Variants in FAXC observed in about 807,000 individuals in gnomAD.
The protein encoded by FAXC is failed axon connections homolog, metaxin like GST domain containing.
Under a neutral mutation model 41.9 loss-of-function variants are expected in FAXC, and 10 were observed. The observed-to-expected ratio is 0.24, with a 90% CI of 0.15 to 0.41. The LOEUF (loss-of-function observed/expected upper bound fraction) is 0.41, where lower values mean the gene tolerates loss of function less well. Among genes scored for constraint, FAXC ranks in the 10% least tolerant of loss-of-function variants. The pLI is 1.00. For synonymous variants in FAXC, 183 were observed against 183.8 expected (o/e 1.00, Z 0.03); for missense variants, 399 against 510.9 (o/e 0.78, Z 2.11).
chr6:99,333,522 G>A lies in FAXC; in HGVS notation c.428C>T (p.Ala143Val). Residue 143 changes from alanine to valine, a missense_variant, in exon 3 of 6, where the codon GCT becomes GTT. Ala to Val is a moderately conservative substitution (Grantham distance 64). Coordinates refer to ENST00000389677, the MANE Select transcript of FAXC (RefSeq NM_032511.4). ...YQNYFGGKLS[A>V]QGKMPWIEYN... ...TTCAATCCAAGGCATTTTCCCTTGA[G>A]CAGAGAGTTTTCCACCAAAATAGTT... 1 of 1,611,062 alleles carries A rather than the reference G, an allele frequency of 6.2e-7. No individual in the cohort carries two copies. Among genetic ancestry groups the A allele is most frequent in the South Asian group, 1.1e-5 (1 of 90,228 alleles).
chr6:99,310,740 A>G (rs897924705), intron 4 of FAXC, among the ~76,000 whole-genome samples: 4 of 152,222 alleles, frequency 2.6e-5, no homozygotes, highest in Non-Finnish European at 4.4e-5. Context: ...CCAGTTACTC[A>G]GCATATGCTA....
intron 5 of FAXC, among the ~76,000 whole-genome samples, chr6:99,290,393 A>C (rs903266982): frequency 2.6e-5 from 4 of 152,116 alleles, no homozygotes; most frequent in Non-Finnish European, 4.4e-5. Flanking sequence ...TTCTTTGGTC[A>C]AAATTAACAT....
chr6:99,300,145 C>T (rs2128452822), intron 4 of FAXC, among the ~76,000 whole-genome samples: 1 of 152,288 alleles, frequency 6.6e-6, no homozygotes, highest in East Asian at 1.9e-4. Flanking sequence ...TGTCCCAGCT[C>T]TTATAATTCC....
At chr6:99,333,916 A>G (rs1365315739) in intron 2 of FAXC, among the ~76,000 whole-genome samples, 1 of 152,202 alleles carries the variant, frequency 6.6e-6, no homozygotes, top group Admixed American at 6.5e-5. Context: ...CAAAAACTCA[A>G]AAAGTCAATA....
chr6:99,321,320 C>T (rs1201453876), intron 4 of FAXC, among the ~76,000 whole-genome samples: 1 of 152,152 alleles, frequency 6.6e-6, no homozygotes, highest in Non-Finnish European at 1.5e-5. Context: ...GCTATTTCAA[C>T]AAAAAGTAAT....
intron 2 of FAXC, among the ~76,000 whole-genome samples, chr6:99,336,930 G>C (rs998578764): frequency 6.6e-6 from 1 of 152,166 alleles, no homozygotes; most frequent in Admixed American, 6.5e-5. Flanking sequence ...CTCTGCCCAG[G>C]AGCTATCTGG....
chr6:99,299,452 T>C (rs1187610910), intron 4 of FAXC, among the ~76,000 whole-genome samples: 4 of 152,180 alleles, frequency 2.6e-5, no homozygotes, highest in Non-Finnish European at 5.9e-5. Context: ...AAAGTACAAT[T>C]GTGTGTTTTA....
At chr6:99,344,417 C>T (rs569905740) in intron 1 of FAXC, among the ~76,000 whole-genome samples, 6 of 152,146 alleles carry the variant, frequency 3.9e-5, no homozygotes, top group Non-Finnish European at 8.8e-5. Flanking sequence ...CAGTACAACA[C>T]CACACCCCCT....
At chr6:99,292,024 A>T (rs755928308) in intron 4 of FAXC, among the ~76,000 whole-genome samples, 32 of 152,246 alleles carry the variant, frequency 2.1e-4, no homozygotes, top group South Asian at 4.1e-4. Context: ...ATCAACCCAT[A>T]GAACAGCAAC....
intron 3 of FAXC, among the ~76,000 whole-genome samples, chr6:99,326,578 C>T (rs1484385681): frequency 6.6e-6 from 1 of 152,080 alleles, no homozygotes; most frequent in Non-Finnish European, 1.5e-5. Context: ...GGTTTAGACT[C>T]CAGATAGAGA....
intron 2 of FAXC, among the ~76,000 whole-genome samples, chr6:99,339,848 T>C (rs1046939096): frequency 6.6e-6 from 1 of 151,396 alleles, no homozygotes; most frequent in Non-Finnish European, 1.5e-5. Context: ...ATCTGGATAA[T>C]AGGGAACAAG....
intron 4 of FAXC, among the ~76,000 whole-genome samples, chr6:99,295,110 A>C (rs539519366): frequency 1.3e-5 from 2 of 152,360 alleles, no homozygotes; most frequent in African/African-American, 2.4e-5. Context: ...CACAGAACGC[A>C]AAAGGGAAAA....
At chr6:99,309,217 T>C (rs540331608) in intron 4 of FAXC, among the ~76,000 whole-genome samples, 18 of 152,282 alleles carry the variant, frequency 1.2e-4, no homozygotes, top group African/African-American at 4.1e-4. Flanking sequence ...AGGGTTTTTT[T>C]TTTCTTTTAT....
rs1200433705 is a variant in FAXC at position 99,281,030 on chromosome 6, T to A, written c.*134A>T. 4 of 660,862 alleles carry A rather than the reference T, an allele frequency of 6.1e-6. No homozygotes were observed. Among genetic ancestry groups the A allele is most frequent in the Admixed American group, 2.5e-5 (1 of 40,664 alleles). The allele number at this position is 660,862 out of a possible 1,614,324, so 40.9% of individuals were successfully genotyped here. On this transcript the variant is annotated 3_prime_UTR_variant, in exon 6 of 6. Transcript: ENST00000389677. ...TTGTACAAAAAAGAAATAAGGCTGC[T>A]ATAGTCCAGTTAGCATGTGAAAACT... is the stretch of plus-strand genomic sequence containing the variant.
chr6:99,349,361 C>G lies in FAXC; in HGVS notation c.12G>C (p.Gly4=). The change falls in exon 1 of 6, where the codon GGG becomes GGC. Residue 4 remains glycine, a synonymous_variant. Coordinates refer to ENST00000389677, the MANE Select transcript of FAXC (RefSeq NM_032511.4). ...ACGGCCTGGACGAAGCAAAGCCAAC[C>G]CCCCAGTGCATGCTGCGCGGCTGGC... MHW[G]VGFASSRPCV... The G allele has an allele frequency of 6.2e-7, 1 of 1,611,108 alleles. No homozygotes were observed. Among genetic ancestry groups the G allele is most frequent in the Non-Finnish European group, 8.5e-7 (1 of 1,179,192 alleles).
Position 99,281,452 on chromosome 6 carries a change from A to G in FAXC, c.942T>C (p.Gly314=). 1 of 1,609,814 alleles carries G rather than the reference A, an allele frequency of 6.2e-7. No homozygotes were observed. The highest frequency in any genetic ancestry group is 2.2e-5 in the East Asian group (1 of 44,796). The change falls in exon 6 of 6, where the codon GGT becomes GGC. Residue 314 remains glycine (G), a splice_region_variant and synonymous_variant. Coordinates refer to ENST00000389677, the MANE Select transcript of FAXC (RefSeq NM_032511.4). ...AGTACATGGCAAGGTTGATCAGCTC[A>G]CCTGCAGTGTGGTAAGGAAAGCAAG... ...PGTRPERLIK[G]ELINLAMYCE...
rs1174562628 is a variant in FAXC, at chr6:99,272,144, A to ATGTGTGTGTGTG, written c.*9019_*9020insCACACACACACA. 7.3e-5 allele frequency: 3 copies of ATGTGTGTGTGTG among 41,318 alleles called. No homozygotes were observed. Among genetic ancestry groups the ATGTGTGTGTGTG allele is most frequent in the African/African-American group, 2.6e-4 (2 of 7,742 alleles). 2.6% of individuals were successfully genotyped at this position (41,318 alleles called of 1,614,324 possible). A position where few individuals can be genotyped will look rare whatever the true frequency, so the allele number is the denominator to read the frequency against. ...AGAGGTATGAAAACTAATTGAGACT[A>ATGTGTGTGTGTG]TATGTGTGTGTGTGTGTGTGTGTGT... On this transcript the variant is annotated 3_prime_UTR_variant, in exon 6 of 6. Coordinates refer to ENST00000389677, the MANE Select transcript of FAXC (RefSeq NM_032511.4).
intron 4 of FAXC, among the ~76,000 whole-genome samples, chr6:99,314,291 A>G (rs1172152843): frequency 6.6e-6 from 1 of 152,130 alleles, no homozygotes; most frequent in Non-Finnish European, 1.5e-5. Flanking sequence ...TCTCTAAAAC[A>G]TAGTTCTCAT....
intron 5 of FAXC, among the ~76,000 whole-genome samples, chr6:99,282,029 G>A (rs181473574): frequency 6.6e-6 from 1 of 152,294 alleles, no homozygotes; most frequent in Admixed American, 6.5e-5. Flanking sequence ...AACGGTGAGT[G>A]AGAAAAGTTA....
Sources: gnomAD v4.1 joint callset for allele counts (sites outside exome capture counted in the v4.1 genomes callset) on GRCh38, gnomAD v4.1.1 for gene constraint, MANE v1.5 for transcripts, NCBI Gene and HGNC (gene_info 2026-07-23, HGNC 2026-07-21) for gene names.